ATAD1: variants seen among roughly 807,000 people sequenced by gnomAD.
ATAD1 encodes the protein ATPase family AAA domain containing 1.
ATAD1 carries 18 observed loss-of-function variants against 42.7 expected under a neutral mutation model. That is an observed-to-expected ratio of 0.42 (90% CI 0.29 to 0.63). The LOEUF (loss-of-function observed/expected upper bound fraction) is 0.63, where lower values mean the gene tolerates loss of function less well. Among genes scored for constraint, ATAD1 ranks in the 20% least tolerant of loss-of-function variants. The pLI is 0.19. For synonymous variants in ATAD1, 132 were observed against 143.1 expected, an observed-to-expected ratio of 0.92 and a Z score of 0.55; for missense variants, 294 against 440.4, an observed-to-expected ratio of 0.67 and a Z score of 2.98.
chr10:87,773,284 C>A (rs966364353), intron 6 of ATAD1, among the ~76,000 whole-genome samples: 2 of 152,190 alleles, frequency 1.3e-5, no homozygotes, highest in Admixed American at 6.5e-5. Context: ...AAAACACTAT[C>A]TTTTATGTCT....
upstream of ATAD1, chr10:87,818,507 T>G: frequency 6.5e-6 from 1 of 154,828 alleles, no homozygotes; most frequent in Non-Finnish European, 1.4e-5. Flanking sequence ...TCTCGCGGGC[T>G]CGGGGCGCAA....
At chr10:87,768,176 G>C (rs578101284) in intron 7 of ATAD1, among the ~76,000 whole-genome samples, 4 of 152,048 alleles carry the variant, frequency 2.6e-5, no homozygotes, top group Admixed American at 2.6e-4. Flanking sequence ...TTATATTAGT[G>C]AATTTTAATT....
chr10:87,804,581 G>A (rs1395785685), intron 2 of ATAD1, among the ~76,000 whole-genome samples: 1 of 152,010 alleles, frequency 6.6e-6, no homozygotes, highest in East Asian at 1.9e-4. Context: ...TGTTGACCAG[G>A]CTGGTCTTGA....
intron 8 of ATAD1, 55 bp downstream of exon 8, chr10:87,767,618 A>G (rs746831394): frequency 1.4e-6 from 2 of 1,467,712 alleles, no homozygotes; most frequent in Non-Finnish European, 1.9e-6. Flanking sequence ...CTCTAAAATA[A>G]CTTTATGAAC....
chr10:87,820,811 C>T (rs1421050576), upstream of ATAD1, among the ~76,000 whole-genome samples: 1 of 152,156 alleles, frequency 6.6e-6, no homozygotes. Context: ...CATTCATTTT[C>T]AGCAATCATC....
intron 2 of ATAD1, among the ~76,000 whole-genome samples, chr10:87,796,895 A>C (rs1667174150): frequency 6.6e-6 from 1 of 151,936 alleles, no homozygotes; most frequent in Non-Finnish European, 1.5e-5. Context: ...TTGCAATACA[A>C]CTCCCTTTTT....
chr10:87,783,715 G>A (rs1054040027), intron 5 of ATAD1, among the ~76,000 whole-genome samples: 3 of 151,624 alleles, frequency 2.0e-5, no homozygotes, highest in Non-Finnish European at 4.4e-5. Flanking sequence ...TATAGCAAGA[G>A]TCCATTAATA....
At chr10:87,775,831 C>A (rs1855279748) in intron 6 of ATAD1, among the ~76,000 whole-genome samples, 1 of 152,132 alleles carries the variant, frequency 6.6e-6, no homozygotes, top group Admixed American at 6.5e-5. Context: ...TAAAGATAGG[C>A]ATAGGTGACA....
intron 5 of ATAD1, among the ~76,000 whole-genome samples, chr10:87,781,264 A>T (rs1483055619): frequency 1.3e-5 from 2 of 152,198 alleles, no homozygotes; most frequent in Non-Finnish European, 2.9e-5. Context: ...TATGTTTAAA[A>T]TTCTAAAGAT....
At chr10:87,759,674 G>A (rs1274160903) in intron 8 of ATAD1, 3 of 415,630 alleles carry the variant, frequency 7.2e-6, no homozygotes, top group South Asian at 5.2e-5. Context: ...CACTGGGGGA[G>A]CAAGATTTAA....
At chr10:87,786,584 G>A (rs1352291751) in intron 4 of ATAD1, among the ~76,000 whole-genome samples, 1 of 152,222 alleles carries the variant, frequency 6.6e-6, no homozygotes, top group African/African-American at 2.4e-5. Context: ...CTGTAACAGA[G>A]AAGGTACACA....
chr10:87,809,290 T>C (rs1228461209), intron 2 of ATAD1, among the ~76,000 whole-genome samples: 2 of 152,186 alleles, frequency 1.3e-5, no homozygotes, highest in South Asian at 2.1e-4. Context: ...GTTGACCTTA[T>C]CACTAACAGA....
intron 5 of ATAD1, among the ~76,000 whole-genome samples, chr10:87,784,242 G>A (rs1231578372): frequency 6.6e-6 from 1 of 152,096 alleles, no homozygotes; most frequent in Non-Finnish European, 1.5e-5. Flanking sequence ...GATATCTACT[G>A]CATACTGTTT....
At chr10:87,829,226 T>TTTTA (rs140086346) in intron 1 of ATAD1, among the ~76,000 whole-genome samples, 363 of 140,372 alleles carry the variant, frequency 2.6e-3, no homozygotes, top group Middle Eastern at 0.011. Flanking sequence ...GGATTCATTA[T>TTTTA]TTTATTTATT....
At chr10:87,756,063 G>A in intron 9 of ATAD1, among the ~76,000 whole-genome samples, 1 of 152,092 alleles carries the variant, frequency 6.6e-6, no homozygotes, top group Non-Finnish European at 1.5e-5. Flanking sequence ...GTTTGCTATG[G>A]CAACACACTG....
intron 2 of ATAD1, among the ~76,000 whole-genome samples, chr10:87,810,914 A>T (rs1203919542): frequency 6.6e-6 from 1 of 152,220 alleles, no homozygotes; most frequent in Non-Finnish European, 1.5e-5. Context: ...TGAAATCATA[A>T]AAACAGAATT....
At chr10:87,814,052 A>G (rs1428520616) in intron 2 of ATAD1, among the ~76,000 whole-genome samples, 3 of 152,114 alleles carry the variant, frequency 2.0e-5, no homozygotes, top group Non-Finnish European at 4.4e-5. Context: ...TAAGACTGAG[A>G]GCGTTTCAGT....
At chr10:87,836,114 GT>G (rs1199475964) in intron 1 of ATAD1, among the ~76,000 whole-genome samples, 3 of 151,912 alleles carry the variant, frequency 2.0e-5, no homozygotes, top group Non-Finnish European at 1.5e-5. Flanking sequence ...TTTATTCCTT[GT>G]TTTTGTTTTG....
chr10:87,791,312 A>G (rs1260475946), intron 3 of ATAD1, among the ~76,000 whole-genome samples: 1 of 152,148 alleles, frequency 6.6e-6, no homozygotes, highest in African/African-American at 2.4e-5. Context: ...ACCTGATTCA[A>G]CTTGTCCTGA....
Sources: allele counts gnomAD v4.1 joint callset (sites outside exome capture counted in the v4.1 genomes callset), GRCh38; gene constraint gnomAD v4.1.1; transcripts MANE v1.5; gene names NCBI Gene and HGNC (gene_info 2026-07-23, HGNC 2026-07-21).